Variants in LRRCC1 observed in about 807,000 individuals in gnomAD.
The protein encoded by LRRCC1 is leucine-rich repeat and coiled-coil domain-containing protein 1.
Under a neutral mutation model 126.0 loss-of-function variants are expected in LRRCC1, and 115 were observed. That is an observed-to-expected ratio of 0.91 (90% CI 0.78 to 1.07). The LOEUF is 1.07. Among genes scored for constraint, LRRCC1 ranks in the 50% least tolerant of loss-of-function variants. The pLI is 0.00. For synonymous variants in LRRCC1, 400 were observed against 393.4 expected (o/e 1.02, Z -0.20); for missense variants, 1,172 against 1,175.7 (o/e 1.00, Z 0.05).
rs377711551 is a variant in LRRCC1 at position 85,126,857 on chromosome 8, C to T, written c.1421+20C>T. 37 of 1,579,824 alleles carry T rather than the reference C, an allele frequency of 2.3e-5. No individual in the cohort carries two copies. Among genetic ancestry groups the T allele is most frequent in the Non-Finnish European group, 3.2e-5 (37 of 1,162,248 alleles). On this transcript the variant is annotated intron_variant, in intron 9 of 18. Transcript: ENST00000360375. ...AGATAGGTAAAAAGAAATTAATAAA[C>T]CTGAAGATACCTCATAGCATAAACA...
At chr8:85,134,821 A>G in intron 12 of LRRCC1, 26 bp from the exon 13 acceptor site, 1 of 1,469,662 alleles carries the variant, frequency 6.8e-7, no homozygotes, top group Non-Finnish European at 9.2e-7. Flanking sequence ...GAGAACTGCT[A>G]TTTATAATAC....
chr8:85,134,127 T>G (rs1810688479), intron 12 of LRRCC1, among the ~76,000 whole-genome samples: 1 of 152,184 alleles, frequency 6.6e-6, no homozygotes, highest in African/African-American at 2.4e-5. Flanking sequence ...TGTTGCATTC[T>G]CAGTGATTAT....
chr8:85,145,333 T>A (rs960281759), intron 18 of LRRCC1, 56 bp from the exon 19 acceptor site: 7 of 1,348,436 alleles, frequency 5.2e-6, no homozygotes, highest in Non-Finnish European at 5.9e-6. Flanking sequence ...CAGAATGCAT[T>A]TTAAAAATAC....
chr8:85,141,249 T>A (rs1811229750), intron 17 of LRRCC1, 133 bp from the exon 18 acceptor site: 1 of 625,440 alleles, frequency 1.6e-6, no homozygotes, highest in South Asian at 2.6e-5. Context: ...TATAATAGCC[T>A]TTGATATTTT....
rs143483455 is a variant in LRRCC1, at chr8:85,128,347, G to A, written c.1422-828G>A. Among the ~76,000 whole-genome samples, 729 of 152,128 alleles carry A rather than the reference G, an allele frequency of 4.8e-3. 12 individuals are homozygous for A. The highest frequency in any genetic ancestry group is 0.017 in the African/African-American group (685 of 41,494). The stretch of plus-strand genomic sequence containing the variant: ...TCTTACTTAACCTATTGTTGTGCCC[G>A]TGTTTCCCAAGTTATGTATTCATTT... On this transcript the variant is annotated intron_variant, in intron 9 of 18. Transcript: ENST00000360375.
At chr8:85,143,662 T>G (rs1811424523) in intron 18 of LRRCC1, among the ~76,000 whole-genome samples, 2 of 152,148 alleles carry the variant, frequency 1.3e-5, no homozygotes, top group South Asian at 4.1e-4. Flanking sequence ...TACCAAGTGT[T>G]TAACAAGGGT....
intron 13 of LRRCC1, 84 bp from the exon 14 acceptor site, chr8:85,135,705 A>G (rs778730634): frequency 5.7e-5 from 52 of 912,302 alleles, no homozygotes; most frequent in Non-Finnish European, 7.5e-5. Flanking sequence ...CTTAAATAAC[A>G]TTTTTTCTCA....
At position 85,130,060 on chromosome 8, in the gene LRRCC1, T is replaced by C. The variant is rs747061316; in HGVS notation, c.1766+2T>C. ...TGCATTGAAAGAACAGGAACACAGG[T>C]AAATGAAAAATGTATCAGGAATGTA... is the stretch of plus-strand genomic sequence containing the variant. On this transcript the variant is annotated splice_donor_variant, in intron 11 of 18. Transcript: ENST00000360375. LOFTEE classifies it high-confidence loss of function. 3.2e-6 allele frequency: 5 copies of C among 1,559,428 alleles called. No homozygotes were observed. The South Asian group carries it at 6.0e-5, about 19-fold the overall frequency.
Position 85,115,493 on chromosome 8 carries a change from C to A in LRRCC1, c.839C>A (p.Ser280Tyr). The change falls in exon 6 of 19, where the codon TCT becomes TAT. Residue 280 changes from serine to tyrosine, a missense_variant. Coordinates refer to ENST00000360375, the MANE Select transcript of LRRCC1 (RefSeq NM_033402.5). ...TCTTTTATGTCTGTGTGTCAATCTT[C>A]TGAGCCAGAGAAAAATAATCATGAA... ...LTSFMSVCQS[S>Y]EPEKNNHEND... is the part of the protein sequence containing the mutation. 2 of 1,613,744 alleles carry A rather than the reference C, an allele frequency of 1.2e-6. No homozygotes were observed. Among genetic ancestry groups the A allele is most frequent in the South Asian group, 2.2e-5 (2 of 91,074 alleles).
At chr8:85,129,445 CAA>C (rs1810275280) in intron 10 of LRRCC1, 66 bp downstream of exon 10, 3 of 1,307,824 alleles carry the variant, frequency 2.3e-6, no homozygotes, top group Non-Finnish European at 1.1e-6. Context: ...TATCGTGAAA[CAA>C]ATTATACTAC....
chr8:85,112,827 G>A, intron 3 of LRRCC1, 105 bp from the exon 4 acceptor site: 1 of 693,302 alleles, frequency 1.4e-6, no homozygotes, highest in African/African-American at 1.8e-5. Flanking sequence ...AAGATCTAAT[G>A]CTGCCCGTTT....
At position 85,112,924 on chromosome 8, in the gene LRRCC1, TATTGCAGG is replaced by T; in HGVS notation, c.377-3_381del. On this transcript the variant is annotated splice_acceptor_variant and splice_polypyrimidine_tract_variant and coding_sequence_variant and intron_variant, in exon 4 of 19. Coordinates refer to ENST00000360375, the MANE Select transcript of LRRCC1 (RefSeq NM_033402.5). LOFTEE classifies it high-confidence loss of function. Reference sequence around the variant, plus strand: ...TGTGGCATTTAAAGAATTATGTTCCTATTGCAGGATTGATTCCCCTTCATGGAATTAAG... The same window carrying T: ...TGTGGCATTTAAAGAATTATGTTCCTATTGATTCCCCTTCATGGAATTAAG... 6.5e-7 allele frequency: 1 copy of T among 1,548,490 alleles called. No individual in the cohort carries two copies. The highest frequency in any genetic ancestry group is 8.7e-7 in the Non-Finnish European group (1 of 1,144,554).
At chr8:85,115,043 G>T in intron 4 of LRRCC1, 57 bp from the exon 5 acceptor site, 1 of 1,366,598 alleles carries the variant, frequency 7.3e-7, no homozygotes, top group Non-Finnish European at 9.9e-7. Context: ...GTTTATTCTA[G>T]AAATAATTGA....
intron 8 of LRRCC1, among the ~76,000 whole-genome samples, chr8:85,125,905 AATT>A (rs1344133049): frequency 6.6e-6 from 1 of 152,076 alleles, no homozygotes; most frequent in Non-Finnish European, 1.5e-5. Flanking sequence ...GAAAAATAAT[AATT>A]ATCATTATGA....
chr8:85,108,777 C>T (rs1808467188), intron 1 of LRRCC1: 1 of 152,142 alleles, frequency 6.6e-6, no homozygotes, highest in South Asian at 2.1e-4. Context: ...AGCAGATGCC[C>T]GTGACATTGT....
intron 11 of LRRCC1, among the ~76,000 whole-genome samples, chr8:85,130,642 CA>C (rs1324520224): frequency 6.6e-6 from 1 of 152,150 alleles, no homozygotes; most frequent in Non-Finnish European, 1.5e-5. Context: ...TTCATTTCTT[CA>C]AACCCAGCCA....
At chr8:85,112,623 A>T (rs1024299152) in intron 3 of LRRCC1, among the ~76,000 whole-genome samples, 1 of 152,218 alleles carries the variant, frequency 6.6e-6, no homozygotes, top group Non-Finnish European at 1.5e-5. Context: ...GCCTAAAGCC[A>T]TTGCTTTATC....
At chr8:85,110,564 G>T (rs1808629395) in intron 3 of LRRCC1, among the ~76,000 whole-genome samples, 1 of 152,216 alleles carries the variant, frequency 6.6e-6, no homozygotes, top group South Asian at 2.1e-4. Flanking sequence ...GCCAAATGTG[G>T]TTATTGAGCA....
intron 6 of LRRCC1, among the ~76,000 whole-genome samples, chr8:85,123,073 A>T (rs1005190203): frequency 6.6e-6 from 1 of 152,174 alleles, no homozygotes; most frequent in Non-Finnish European, 1.5e-5. Flanking sequence ...CAGGCTAAAA[A>T]CCATAAAAAA....
Sources: allele counts gnomAD v4.1 joint callset (sites outside exome capture counted in the v4.1 genomes callset), GRCh38; gene constraint gnomAD v4.1.1; transcripts MANE v1.5; gene names NCBI Gene and HGNC (gene_info 2026-07-23, HGNC 2026-07-21).